The following DEPDC5 variants were observed in gnomAD, a reference collection of about 807,000 sequenced individuals.
DEPDC5 encodes the protein DEP domain containing 5, GATOR1 subcomplex subunit.
Under a neutral mutation model 217.3 loss-of-function variants are expected in DEPDC5, and 73 were observed. The ratio of observed to expected loss-of-function variants is 0.34; its 90% CI spans 0.28 to 0.41. DEPDC5 has a LOEUF of 0.41. Among genes scored for constraint, DEPDC5 ranks in the 10% least tolerant of loss-of-function variants. DEPDC5 has a pLI of 1.00. For missense variants in DEPDC5, 1,675 were observed against 2,070.1 expected (o/e 0.81, Z 3.70); for synonymous variants, 733 against 756.7 (o/e 0.97, Z 0.51).
chr22:31,859,993 T>C (rs921586286), intron 32 of DEPDC5, among the ~76,000 whole-genome samples: 5 of 152,230 alleles, frequency 3.3e-5, no homozygotes, highest in African/African-American at 1.2e-4. Context: ...CTCTACTCAT[T>C]GCCATCTTTG....
At chr22:31,845,626 G>GC (rs1359967667) in intron 30 of DEPDC5, among the ~76,000 whole-genome samples, 1 of 152,136 alleles carries the variant, frequency 6.6e-6, no homozygotes, top group African/African-American at 2.4e-5. Context: ...AGCACCCTGT[G>GC]CCTTATTTCA....
Position 31,821,763 on chromosome 22 carries a change from GC to G in DEPDC5, c.2006+128del, listed in dbSNP as rs1205090028. The G allele has an allele frequency of 2.2e-6, 3 of 1,358,776 alleles. No homozygotes were observed. In the African/African-American group the frequency reaches 4.3e-5, roughly 20 times the overall value. 84.2% of individuals were successfully genotyped at this position (1,358,776 alleles called of 1,614,324 possible). On this transcript the variant is annotated intron_variant, in intron 23 of 42. Transcript: ENST00000651528. ...CTTGAAAAGACAGTATGAGGTCAGG[GC>G]CTTCCTTTGTTGGCCAGTGGCATTC...
intron 40 of DEPDC5, among the ~76,000 whole-genome samples, chr22:31,899,985 C>G (rs79091373): frequency 0.014 from 2,185 of 152,236 alleles, 19 homozygotes; most frequent in Middle Eastern, 0.031. Context: ...TATGGAGGAG[C>G]GGACTTATCT....
At chr22:31,792,658 T>G in intron 11 of DEPDC5, 87 bp from the exon 12 acceptor site, 1 of 847,244 alleles carries the variant, frequency 1.2e-6, no homozygotes, top group East Asian at 3.3e-5. Flanking sequence ...TTTTTTGTGA[T>G]GCAAATCTTT....
At chr22:31,895,940 G>T (rs137980036) in intron 39 of DEPDC5, among the ~76,000 whole-genome samples, 5 of 151,744 alleles carry the variant, frequency 3.3e-5, no homozygotes, top group Non-Finnish European at 7.4e-5. Flanking sequence ...ATACCAGCAT[G>T]ACCACTTCTT....
At chr22:31,787,060 G>A (rs1301219018) in intron 10 of DEPDC5, among the ~76,000 whole-genome samples, 1 of 151,608 alleles carries the variant, frequency 6.6e-6, no homozygotes, top group African/African-American at 2.4e-5. Flanking sequence ...GATTACAGAT[G>A]TGAGCCACCG....
At chr22:31,871,132 AT>A (rs1455798587) in intron 34 of DEPDC5, among the ~76,000 whole-genome samples, 2 of 152,086 alleles carry the variant, frequency 1.3e-5, no homozygotes, top group Non-Finnish European at 2.9e-5. Context: ...GTGGCCAAAC[AT>A]GACTGTTCTT....
chr22:31,794,866 A>G (rs1169754040), intron 12 of DEPDC5, among the ~76,000 whole-genome samples: 1 of 152,032 alleles, frequency 6.6e-6, no homozygotes, highest in African/African-American at 2.4e-5. Flanking sequence ...AGCCTGGGTG[A>G]CATAGTGAGA....
At chr22:31,779,333 A>G (rs2084190805) in intron 8 of DEPDC5, among the ~76,000 whole-genome samples, 1 of 152,244 alleles carries the variant, frequency 6.6e-6, no homozygotes, top group Admixed American at 6.6e-5. Flanking sequence ...ATTAATTGCC[A>G]GAGTGCTCAC....
At chr22:31,890,855 A>C (rs1262566776) in intron 38 of DEPDC5, among the ~76,000 whole-genome samples, 2 of 151,996 alleles carry the variant, frequency 1.3e-5, no homozygotes, top group Admixed American at 1.3e-4. Flanking sequence ...CCTCCCGAGT[A>C]GCTGGGATTA....
At position 31,855,714 on chromosome 22, in the gene DEPDC5, T is replaced by C. The variant is rs552046849; in HGVS notation, c.3156-1731T>C. The stretch of plus-strand genomic sequence containing the variant: ...ATTTCATGTGGGTAGGCAGGGTGTA[T>C]GGATGAAACCGGAATGGCTCTAATG... On this transcript the variant is annotated intron_variant, in intron 31 of 42. Coordinates refer to ENST00000651528, the MANE Select transcript of DEPDC5 (RefSeq NM_001242896.3). Among the ~76,000 whole-genome samples, 21 of 152,218 alleles carry C rather than the reference T, an allele frequency of 1.4e-4. 1 individual carries two copies. In the South Asian group the frequency reaches 4.4e-3, roughly 32 times the overall value.
chr22:31,817,237 G>C (rs2089232100), intron 21 of DEPDC5: 1 of 172,428 alleles, frequency 5.8e-6, no homozygotes, highest in East Asian at 1.8e-4. Flanking sequence ...AGCCTCCCGA[G>C]TAGCTGTGAT....
At chr22:31,905,654 C>G (rs1019792956) in intron 41 of DEPDC5, among the ~76,000 whole-genome samples, 1 of 151,728 alleles carries the variant, frequency 6.6e-6, no homozygotes, top group African/African-American at 2.4e-5. Flanking sequence ...GTAGGAGGGA[C>G]GGGCTGTCTG....
At chr22:31,792,911 C>G in intron 12 of DEPDC5, 94 bp downstream of exon 12, 1 of 1,078,804 alleles carries the variant, frequency 9.3e-7, no homozygotes, top group South Asian at 2.0e-5. Flanking sequence ...ATGGCGAAAC[C>G]CTGTCTCTAC....
At chr22:31,830,473 G>A (rs556634038) in intron 24 of DEPDC5, among the ~76,000 whole-genome samples, 2 of 152,342 alleles carry the variant, frequency 1.3e-5, no homozygotes, top group South Asian at 4.1e-4. Context: ...CTGAAAATAA[G>A]ACCTCAGAGA....
chr22:31,836,912 C>G, intron 25 of DEPDC5, 60 bp from the exon 26 acceptor site: 1 of 1,493,206 alleles, frequency 6.7e-7, no homozygotes, highest in Non-Finnish European at 9.2e-7. Context: ...TCCCCTGGCC[C>G]CCCATCCCAC....
chr22:31,811,728 T>C (rs2148719003), intron 20 of DEPDC5, among the ~76,000 whole-genome samples: 1 of 151,990 alleles, frequency 6.6e-6, no homozygotes, highest in East Asian at 2.0e-4. Context: ...TTTTAATTTT[T>C]TGTAGAGATG....
chr22:31,781,316 A>G (rs2084418500), intron 8 of DEPDC5, among the ~76,000 whole-genome samples: 1 of 151,796 alleles, frequency 6.6e-6, no homozygotes, highest in Non-Finnish European at 1.5e-5. Context: ...TATTTTTGAG[A>G]TTGGGGTCTT....
chr22:31,898,810 G>T (rs1602922060), intron 40 of DEPDC5, among the ~76,000 whole-genome samples: 1 of 152,208 alleles, frequency 6.6e-6, no homozygotes, highest in African/African-American at 2.4e-5. Flanking sequence ...CCCCACAGAG[G>T]CCCTACCTGC....
Sources: allele counts gnomAD v4.1 joint callset (sites outside exome capture counted in the v4.1 genomes callset), GRCh38; gene constraint gnomAD v4.1.1; transcripts MANE v1.5; gene names NCBI Gene and HGNC (gene_info 2026-07-23, HGNC 2026-07-21).